RBFOX1: variants seen among roughly 807,000 people sequenced by gnomAD.
RBFOX1 encodes RNA binding fox-1 homolog 1, also known as RNA binding protein fox-1 homolog 1.
In RBFOX1, 8 loss-of-function variants were observed where a neutral mutation model predicts 57.7. The ratio of observed to expected loss-of-function variants is 0.14; its 90% CI spans 0.08 to 0.25. The LOEUF is 0.25. Ranked by LOEUF, RBFOX1 falls within the 10% of genes least tolerant of loss-of-function variation. The pLI, the probability that RBFOX1 is intolerant of heterozygous loss-of-function variation, is 1.00. For missense variants in RBFOX1, 611 were observed against 548.5 expected, an observed-to-expected ratio of 1.11 and a Z score of -1.14; for synonymous variants, 326 against 222.4, an observed-to-expected ratio of 1.47 and a Z score of -4.15.
chr16:5,433,504 C>G (rs533303209), intron 1 of RBFOX1, among the ~76,000 whole-genome samples: 8 of 152,100 alleles, frequency 5.3e-5, no homozygotes, highest in Non-Finnish European at 8.8e-5. Flanking sequence ...TTGAGGAGGG[C>G]AGAAATGTTG....
intron 3 of RBFOX1, among the ~76,000 whole-genome samples, chr16:6,902,023 G>A (rs1039240408): frequency 1.3e-5 from 2 of 152,096 alleles, no homozygotes; most frequent in African/African-American, 4.8e-5. Context: ...TTCAGAATGT[G>A]CTTAAGGTTG....
intron 2 of RBFOX1, among the ~76,000 whole-genome samples, chr16:6,412,138 A>C (rs1046815179): frequency 7.0e-5 from 10 of 143,132 alleles, no homozygotes; most frequent in African/African-American, 1.6e-4. Context: ...ATGTAAAAAA[A>C]AAAAAACAAA....
At chr16:7,452,230 G>T (rs2150239336) in intron 4 of RBFOX1, among the ~76,000 whole-genome samples, 1 of 152,314 alleles carries the variant, frequency 6.6e-6, no homozygotes, top group East Asian at 1.9e-4. Context: ...CTTTCAGCTG[G>T]CTTGGTTAAA....
chr16:5,893,009 G>C (rs2058082457), intron 4 of RBFOX1, among the ~76,000 whole-genome samples: 2 of 152,172 alleles, frequency 1.3e-5, no homozygotes, highest in South Asian at 2.1e-4. Context: ...TTCTGGTGAG[G>C]AATAGGGTAA....
At chr16:7,494,264 G>A (rs1472193966) in intron 4 of RBFOX1, among the ~76,000 whole-genome samples, 1 of 152,186 alleles carries the variant, frequency 6.6e-6, no homozygotes, top group Admixed American at 6.5e-5. Flanking sequence ...CCCATTAAAT[G>A]CTTTTAGGTG....
chr16:6,571,270 C>T (rs1402991036), intron 2 of RBFOX1, among the ~76,000 whole-genome samples: 1 of 152,128 alleles, frequency 6.6e-6, no homozygotes, highest in Non-Finnish European at 1.5e-5. Flanking sequence ...GGGCTGAGGG[C>T]CTGAGAACCA....
At chr16:6,608,177 G>C (rs2097973991) in intron 2 of RBFOX1, among the ~76,000 whole-genome samples, 1 of 152,078 alleles carries the variant, frequency 6.6e-6, no homozygotes, top group Admixed American at 6.6e-5. Context: ...GACCTATTTT[G>C]AGTCTGTATC....
At chr16:7,461,248 A>C (rs1598983099) in intron 4 of RBFOX1, among the ~76,000 whole-genome samples, 1 of 151,770 alleles carries the variant, frequency 6.6e-6, no homozygotes, top group African/African-American at 2.4e-5. Context: ...GCTCACTGCA[A>C]CCTCCACCTC....
At chr16:6,811,990 G>C (rs190572303) in intron 3 of RBFOX1, among the ~76,000 whole-genome samples, 5 of 152,286 alleles carry the variant, frequency 3.3e-5, no homozygotes, top group African/African-American at 1.2e-4. Flanking sequence ...TCCTCAGCAT[G>C]AACAGAGGTG....
chr16:5,376,657 C>T (rs28370312), intron 1 of RBFOX1, among the ~76,000 whole-genome samples: 16,003 of 151,386 alleles, frequency 0.11, 2,240 homozygotes, highest in African/African-American at 0.3. Flanking sequence ...GGTTACTAGG[C>T]GTGGCACATG....
At chr16:7,259,473 T>A (rs2094831136) in intron 4 of RBFOX1, among the ~76,000 whole-genome samples, 1 of 152,140 alleles carries the variant, frequency 6.6e-6, no homozygotes, top group Non-Finnish European at 1.5e-5. Flanking sequence ...TGCAGCCATT[T>A]GCATTTAATG....
chr16:6,817,428 T>TC (rs1468453178), intron 3 of RBFOX1, among the ~76,000 whole-genome samples: 4 of 151,532 alleles, frequency 2.6e-5, no homozygotes, highest in African/African-American at 9.7e-5. Flanking sequence ...ACGCAGTGGC[T>TC]CATGCCTGTA....
At chr16:7,385,193 G>A (rs916475521) in intron 4 of RBFOX1, among the ~76,000 whole-genome samples, 11 of 152,172 alleles carry the variant, frequency 7.2e-5, no homozygotes, top group East Asian at 1.9e-4. Context: ...TATGAATTAC[G>A]GATGCAGAGA....
chr16:5,549,265 A>G (rs978216599), intron 2 of RBFOX1, among the ~76,000 whole-genome samples: 4 of 152,180 alleles, frequency 2.6e-5, no homozygotes, highest in Admixed American at 2.6e-4. Flanking sequence ...TCTGGTCTGC[A>G]GATACTTCTG....
chr16:6,673,232 C>T (rs2098778875), intron 3 of RBFOX1, among the ~76,000 whole-genome samples: 1 of 152,138 alleles, frequency 6.6e-6, no homozygotes, highest in African/African-American at 2.4e-5. Flanking sequence ...TCTTCTCTAT[C>T]CACTCTCTGA....
chr16:5,756,152 G>A (rs1244907386), intron 3 of RBFOX1, among the ~76,000 whole-genome samples: 3 of 137,460 alleles, frequency 2.2e-5, no homozygotes, highest in Non-Finnish European at 4.5e-5. Flanking sequence ...AAACCAGAAG[G>A]TTCCATGCCT....
intron 4 of RBFOX1, among the ~76,000 whole-genome samples, chr16:7,264,585 A>C (rs1361877885): frequency 6.6e-6 from 1 of 152,250 alleles, no homozygotes; most frequent in Non-Finnish European, 1.5e-5. Flanking sequence ...GATAGATAAC[A>C]TGCAAAGAAA....
chr16:6,941,920 G>T (rs60491845), intron 3 of RBFOX1, among the ~76,000 whole-genome samples: 20,143 of 151,948 alleles, frequency 0.13, 1,455 homozygotes, highest in East Asian at 0.24. Context: ...CAGTCCTCCC[G>T]CTTCAGTCTC....
rs1423782771 is a variant in RBFOX1 at position 5,946,865 on chromosome 16, C to T, written c.351+79530C>T. Among the ~76,000 whole-genome samples the T allele has an allele frequency of 6.6e-6, 1 of 152,078 alleles. No individual in the cohort carries two copies. Among genetic ancestry groups the T allele is most frequent in the Non-Finnish European group, 1.5e-5 (1 of 68,022 alleles). On this transcript the variant is annotated intron_variant, in intron 4 of 19. Transcript: ENST00000641259. The surrounding 1 kb of genome is among the most constrained non-coding windows in gnomAD (Gnocchi z 4.6). ...GCATTGCTTGGTGTGAAATAAAACC[C>T]AACACATATGAGTGTAGAGGTATGC...
Sources: allele counts gnomAD v4.1 joint callset (sites outside exome capture counted in the v4.1 genomes callset), GRCh38; gene constraint gnomAD v4.1.1; non-coding constraint Gnocchi (gnomAD v3.1); transcripts MANE v1.5; gene names NCBI Gene and HGNC (gene_info 2026-07-23, HGNC 2026-07-21).